The following OR1B1 variants were observed in gnomAD, a reference collection of about 807,000 sequenced individuals.
OR1B1 encodes olfactory receptor family 1 subfamily B member 1.
For missense variants in OR1B1, 414 were observed against 402.1 expected, an observed-to-expected ratio of 1.03 and a Z score of -0.25; for synonymous variants, 168 against 156.2, an observed-to-expected ratio of 1.08 and a Z score of -0.57.
chr9:122,630,381 C>T (rs1477557705), upstream of OR1B1, among the ~76,000 whole-genome samples: 1 of 152,228 alleles, frequency 6.6e-6, no homozygotes, highest in Non-Finnish European at 1.5e-5. Context: ...ACTCCATCAT[C>T]TCCCACATCC....
At chr9:122,635,297 T>C in the OR1B1 span, among the ~76,000 whole-genome samples, 73 of 152,202 alleles carry the variant, frequency 4.8e-4, no homozygotes, top group African/African-American at 1.6e-3. Context: ...TTTACTTTTA[T>C]GTAGAACCTT....
upstream of OR1B1, among the ~76,000 whole-genome samples, chr9:122,631,208 G>A (rs1179935141): frequency 2.7e-5 from 4 of 149,822 alleles, no homozygotes; most frequent in South Asian, 2.1e-4. Flanking sequence ...ACGGAATCTC[G>A]TTCTGTCGCC....
At chr9:122,642,821 T>G in the OR1B1 span, among the ~76,000 whole-genome samples, 1 of 152,166 alleles carries the variant, frequency 6.6e-6, no homozygotes, top group South Asian at 2.1e-4. Context: ...TTGAATATAA[T>G]TCTAGGCTAT....
the OR1B1 span, among the ~76,000 whole-genome samples, chr9:122,636,627 A>G: frequency 3.3e-5 from 5 of 152,198 alleles, no homozygotes; most frequent in African/African-American, 1.2e-4. Flanking sequence ...AAAAATAAAT[A>G]AATAAATAAA....
the OR1B1 span, among the ~76,000 whole-genome samples, chr9:122,643,110 T>C: frequency 7.7e-6 from 1 of 130,604 alleles, no homozygotes; most frequent in African/African-American, 3.3e-5. Flanking sequence ...CCACCTAATT[T>C]TAACATCTGC....
At chr9:122,629,389 C>T (rs975481078) in exon 1 of OR1B1, 4 of 1,613,966 alleles carry the variant, frequency 2.5e-6, no homozygotes, top group African/African-American at 2.7e-5. Flanking sequence ...AGGAGATGAG[C>T]AGCACCAGTG....
the OR1B1 span, among the ~76,000 whole-genome samples, chr9:122,638,420 G>T: frequency 6.6e-6 from 1 of 152,110 alleles, no homozygotes; most frequent in African/African-American, 2.4e-5. Flanking sequence ...GCCAAGGGTA[G>T]CAATGGAGAT....
Position 122,629,065 on chromosome 9 carries a change from G to T in OR1B1, c.471C>A (p.His157Gln). 1.2e-6 allele frequency: 2 copies of T among 1,613,890 alleles called. No homozygotes were observed. Among genetic ancestry groups the T allele is most frequent in the Non-Finnish European group, 8.5e-7 (1 of 1,179,848 alleles). Residue 157 changes from histidine (H) to glutamine (Q), a missense_variant, in exon 1 of 1, where the codon CAC (histidine) becomes CAA (glutamine). Coordinates refer to ENST00000623530, the Ensembl canonical transcript of OR1B1. ...GGACGAGTCCCACACGCAACATGGT[G>T]TGCAGTATGGACACCACCCAGCTCA...
upstream of OR1B1, among the ~76,000 whole-genome samples, chr9:122,631,151 C>T (rs1830199518): frequency 6.6e-6 from 1 of 151,956 alleles, no homozygotes; most frequent in South Asian, 2.1e-4. Flanking sequence ...CCACTCAACA[C>T]AGAAACTTAG....
At chr9:122,635,412 C>T in the OR1B1 span, among the ~76,000 whole-genome samples, 3 of 152,056 alleles carry the variant, frequency 2.0e-5, no homozygotes, top group Non-Finnish European at 4.4e-5. Context: ...TACAAAGTTA[C>T]AGTTTTGTAG....
chr9:122,631,971 T>C (rs556953422), upstream of OR1B1, among the ~76,000 whole-genome samples: 1 of 152,046 alleles, frequency 6.6e-6, no homozygotes, highest in South Asian at 2.1e-4. Flanking sequence ...TCTAGAACTC[T>C]CAAAATAAAA....
chr9:122,636,379 C>T, the OR1B1 span, among the ~76,000 whole-genome samples: 2 of 152,194 alleles, frequency 1.3e-5, no homozygotes, highest in East Asian at 3.8e-4. Flanking sequence ...ATTTGGGAGG[C>T]CAAGGCGGGT....
At chr9:122,630,031 T>C (rs996294092), upstream of OR1B1, among the ~76,000 whole-genome samples, 6 of 152,194 alleles carry the variant, frequency 3.9e-5, no homozygotes, top group Middle Eastern at 3.2e-3. Flanking sequence ...TCTTTCGACA[T>C]AGCTGACTTT....
chr9:122,635,406 A>C, the OR1B1 span, among the ~76,000 whole-genome samples: 8 of 152,162 alleles, frequency 5.3e-5, no homozygotes. Flanking sequence ...AAAAGATACA[A>C]AGTTACAGTT....
chr9:122,637,960 A>G, the OR1B1 span, among the ~76,000 whole-genome samples: 1 of 152,216 alleles, frequency 6.6e-6, no homozygotes, highest in Non-Finnish European at 1.5e-5. Flanking sequence ...AACTCTACAT[A>G]AATATTTTAA....
At chr9:122,629,354 A>G in exon 1 of OR1B1, 3 of 1,614,128 alleles carry the variant, frequency 1.9e-6, no homozygotes, top group East Asian at 2.2e-5. Flanking sequence ...CAGATAATAC[A>G]TGGGTGAGTG....
the OR1B1 span, among the ~76,000 whole-genome samples, chr9:122,644,160 G>A: frequency 1.3e-5 from 2 of 152,200 alleles, no homozygotes; most frequent in Admixed American, 6.5e-5. Flanking sequence ...GGCTATTGGG[G>A]TCTCTGGGTC....
the OR1B1 span, among the ~76,000 whole-genome samples, chr9:122,651,833 G>C: frequency 7.6e-4 from 115 of 152,250 alleles, no homozygotes; most frequent in African/African-American, 2.6e-3. Flanking sequence ...TATCACACAG[G>C]CTAGAGTGCA....
chr9:122,651,413 A>C, the OR1B1 span, among the ~76,000 whole-genome samples: 1 of 152,182 alleles, frequency 6.6e-6, no homozygotes, highest in Non-Finnish European at 1.5e-5. Flanking sequence ...CACTGAACTT[A>C]TTCTTCCTAT....
Sources: allele counts gnomAD v4.1 joint callset (sites outside exome capture counted in the v4.1 genomes callset), GRCh38; gene constraint gnomAD v4.1.1; transcripts MANE v1.5; gene names NCBI Gene and HGNC (gene_info 2026-07-23, HGNC 2026-07-21).